Variants in NKAIN3 observed in about 807,000 individuals in gnomAD.
The protein encoded by NKAIN3 is sodium/potassium-transporting ATPase subunit beta-1-interacting protein 3.
In NKAIN3, 25 loss-of-function variants were observed where a neutral mutation model predicts 30.2. The observed-to-expected ratio is 0.83, with a 90% CI of 0.60 to 1.16. The LOEUF is 1.16. Among genes scored for constraint, NKAIN3 ranks in the 50% most tolerant of loss-of-function variants. NKAIN3 has a pLI of 0.00. For missense variants in NKAIN3, 225 were observed against 254.1 expected, an observed-to-expected ratio of 0.89 and a Z score of 0.78; for synonymous variants, 91 against 89.6, an observed-to-expected ratio of 1.02 and a Z score of -0.09.
chr8:62,378,628 A>G (rs1481682037), intron 1 of NKAIN3, among the ~76,000 whole-genome samples: 1 of 152,200 alleles, frequency 6.6e-6, no homozygotes, highest in Non-Finnish European at 1.5e-5. Flanking sequence ...CTATTGCTTC[A>G]GGGAGTGCAA....
chr8:62,596,939 G>A (rs1291476090), intron 3 of NKAIN3, among the ~76,000 whole-genome samples: 1 of 152,110 alleles, frequency 6.6e-6, no homozygotes, highest in African/African-American at 2.4e-5. Flanking sequence ...TGATATTTAA[G>A]TAAATGGTTG....
At chr8:62,946,653 G>C (rs1398965050) in intron 5 of NKAIN3, among the ~76,000 whole-genome samples, 2 of 152,172 alleles carry the variant, frequency 1.3e-5, no homozygotes, top group Admixed American at 1.3e-4. Flanking sequence ...GAAAATCACA[G>C]TGTAATAGCC....
chr8:62,354,881 G>A (rs1173266006), intron 1 of NKAIN3, among the ~76,000 whole-genome samples: 1 of 152,180 alleles, frequency 6.6e-6, no homozygotes, highest in East Asian at 1.9e-4. Context: ...CAGGAGGAGA[G>A]CCCTGCACTT....
At chr8:62,945,998 C>T (rs1432142190) in intron 5 of NKAIN3, among the ~76,000 whole-genome samples, 3 of 152,206 alleles carry the variant, frequency 2.0e-5, no homozygotes, top group Non-Finnish European at 4.4e-5. Context: ...ATGGACAATG[C>T]AGGCTCTTGG....
At chr8:62,433,226 C>T (rs143912857) in intron 1 of NKAIN3, among the ~76,000 whole-genome samples, 200 of 152,092 alleles carry the variant, frequency 1.3e-3, no homozygotes, top group African/African-American at 4.6e-3. Context: ...CTCAGGTTTG[C>T]GAGCCATCTC....
At chr8:62,892,844 A>G (rs72655038) in intron 4 of NKAIN3, among the ~76,000 whole-genome samples, 10,981 of 152,200 alleles carry the variant, frequency 0.072, 501 homozygotes, top group South Asian at 0.15. Flanking sequence ...CAGACACACC[A>G]GCATAAAAGA....
intron 1 of NKAIN3, among the ~76,000 whole-genome samples, chr8:62,350,842 A>G (rs1816157937): frequency 6.6e-6 from 1 of 151,808 alleles, no homozygotes; most frequent in Non-Finnish European, 1.5e-5. Flanking sequence ...AGGCACTGCC[A>G]CCATGCCCGG....
At chr8:62,653,326 C>T (rs964462251) in intron 3 of NKAIN3, among the ~76,000 whole-genome samples, 1 of 152,106 alleles carries the variant, frequency 6.6e-6, no homozygotes, top group African/African-American at 2.4e-5. Context: ...GGTTCCTCTT[C>T]TTATTAGGGT....
At chr8:62,679,785 C>G (rs887703468) in intron 3 of NKAIN3, among the ~76,000 whole-genome samples, 2 of 152,118 alleles carry the variant, frequency 1.3e-5, no homozygotes, top group African/African-American at 4.8e-5. Context: ...ATGAGAAAAA[C>G]CTCATGATCT....
At chr8:62,363,410 G>C (rs543641926) in intron 1 of NKAIN3, among the ~76,000 whole-genome samples, 2 of 152,162 alleles carry the variant, frequency 1.3e-5, no homozygotes, top group South Asian at 2.1e-4. Context: ...TAGAACAGTA[G>C]GTAGCTACCT....
intron 1 of NKAIN3, among the ~76,000 whole-genome samples, chr8:62,577,795 C>T (rs938891826): frequency 6.6e-6 from 1 of 151,758 alleles, no homozygotes; most frequent in African/African-American, 2.4e-5. Context: ...GAGATGAATC[C>T]TGAATGTATC....
chr8:62,802,814 A>T (rs1161571238), intron 4 of NKAIN3, among the ~76,000 whole-genome samples: 1 of 152,184 alleles, frequency 6.6e-6, no homozygotes, highest in African/African-American at 2.4e-5. Flanking sequence ...AAAGACACAC[A>T]CTGGCAAACT....
At chr8:62,809,430 C>T (rs1824985) in intron 4 of NKAIN3, among the ~76,000 whole-genome samples, 133,859 of 152,186 alleles carry the variant, frequency 0.88, 58,989 homozygotes, top group Admixed American at 0.9. Flanking sequence ...TATAAAAGTA[C>T]TAATTTGGGG....
intron 5 of NKAIN3, among the ~76,000 whole-genome samples, chr8:62,933,666 A>C (rs1000265818): frequency 3.3e-5 from 5 of 152,192 alleles, no homozygotes; most frequent in African/African-American, 1.2e-4. Context: ...AATGGGAAAA[A>C]ATTGTCAGCA....
intron 4 of NKAIN3, among the ~76,000 whole-genome samples, chr8:62,766,671 T>C (rs1302761362): frequency 1.3e-5 from 2 of 152,104 alleles, no homozygotes; most frequent in Non-Finnish European, 2.9e-5. Flanking sequence ...AAAAAAACCT[T>C]ATCCACTATG....
chr8:62,294,759 G>A (rs1050899098), intron 1 of NKAIN3, among the ~76,000 whole-genome samples: 2 of 152,022 alleles, frequency 1.3e-5, no homozygotes, highest in Admixed American at 6.6e-5. Context: ...TTCCCAGGCT[G>A]GTCTCCAACT....
intron 1 of NKAIN3, among the ~76,000 whole-genome samples, chr8:62,299,599 A>G (rs1474453760): frequency 6.6e-6 from 1 of 152,152 alleles, no homozygotes; most frequent in Admixed American, 6.6e-5. Context: ...CAAGATTTAT[A>G]TTCAAACTAG....
chr8:62,513,335 A>G (rs10458307), intron 1 of NKAIN3, among the ~76,000 whole-genome samples: 18 of 151,288 alleles, frequency 1.2e-4, no homozygotes, highest in Non-Finnish European at 2.9e-5. Context: ...AAATAGACCC[A>G]GTTGCTGCTC....
intron 3 of NKAIN3, among the ~76,000 whole-genome samples, chr8:62,735,408 C>G (rs1377159828): frequency 1.5e-5 from 2 of 134,370 alleles, no homozygotes; most frequent in Non-Finnish European, 3.1e-5. Context: ...CTCTGAAGTT[C>G]TTTATTCTAC....
Sources: gnomAD v4.1 joint callset for allele counts (sites outside exome capture counted in the v4.1 genomes callset) on GRCh38, gnomAD v4.1.1 for gene constraint, MANE v1.5 for transcripts, NCBI Gene and HGNC (gene_info 2026-07-23, HGNC 2026-07-21) for gene names.